The following MYO1C variants were observed in gnomAD, a reference collection of about 807,000 sequenced individuals.
MYO1C encodes myosin IC.
Under a neutral mutation model 150.8 loss-of-function variants are expected in MYO1C, and 104 were observed. The ratio of observed to expected loss-of-function variants is 0.69; its 90% confidence interval spans 0.59 to 0.81. The LOEUF (loss-of-function observed/expected upper bound fraction) is 0.81. Ranked by LOEUF, MYO1C falls within the 30% of genes least tolerant of loss-of-function variation. The probability of loss-of-function intolerance (pLI) is 0.00; values close to 1 mark genes in which losing one functional copy is unlikely to be tolerated. For synonymous variants in MYO1C, 663 were observed against 579.9 expected, an observed-to-expected ratio of 1.14 and a Z score of -2.06; for missense variants, 1,504 against 1,435.0, an observed-to-expected ratio of 1.05 and a Z score of -0.78.
At position 1,492,623 on chromosome 17, in the gene MYO1C, A is replaced by G; in HGVS notation, c.-136T>C. On this transcript the variant is annotated 5_prime_UTR_variant, in exon 1 of 32. Coordinates refer to ENST00000648651, the MANE Select transcript of MYO1C (RefSeq NM_001080779.2). ...GGGATGGCCACTTGGTTCTGCTTCA[A>G]CTGCAGCCCCAGGGGATGTGGCTGG... 1.3e-6 allele frequency: 1 copy of G among 794,872 alleles called. No homozygotes were observed. Among genetic ancestry groups the G allele is most frequent in the South Asian group, 1.5e-5 (1 of 67,004 alleles). 49.2% of individuals were successfully genotyped at this position (794,872 alleles called of 1,614,324 possible).
At position 1,467,796 on chromosome 17, in the gene MYO1C, C is replaced by A; in HGVS notation, c.2967+44G>T. 2 of 717,452 alleles carry A rather than the reference C, an allele frequency of 2.8e-6. 1 individual carries two copies. Among genetic ancestry groups the A allele is most frequent in the South Asian group, 3.1e-5 (2 of 65,442 alleles). The allele number at this position is 717,452 out of a possible 1,614,324, so 44.4% of individuals were successfully genotyped here. ...CCCATCCACCCCACCTCCCCATCTACCTCCCCCATCCCCCACCACTCCTCC... is the reference window on the plus strand; with the variant it reads ...CCCATCCACCCCACCTCCCCATCTAACTCCCCCATCCCCCACCACTCCTCC... On this transcript the variant is annotated intron_variant, in intron 29 of 31. Transcript: ENST00000648651.
chr17:1,484,463 G>C (rs1167982826), intron 1 of MYO1C, 160 bp from the exon 2 acceptor site: 1 of 828,520 alleles, frequency 1.2e-6, no homozygotes, highest in Non-Finnish European at 1.9e-6. Flanking sequence ...GGTGCTGAGG[G>C]CCTGGGTGTG....
In MYO1C at chr17:1,477,882, AG is replaced by A; in HGVS notation, c.1482+8del. ...CCAGCACCAGGCCTTGGAGGCGCAG[AG>A]GACTCACCAAAATCGAGATGATGCC... is the stretch of plus-strand genomic sequence containing the variant. On this transcript the variant is annotated splice_region_variant and intron_variant, in intron 13 of 31. Transcript: ENST00000648651. The A allele has an allele frequency of 6.2e-7, 1 of 1,612,554 alleles. No homozygotes were observed. The highest frequency in any genetic ancestry group is 8.5e-7 in the Non-Finnish European group (1 of 1,178,716).
At position 1,478,950 on chromosome 17, in the gene MYO1C, G is replaced by A. The variant is rs963427325; in HGVS notation, c.1093-215C>T. Among the ~76,000 whole-genome samples, 2 of 152,160 alleles carry A rather than the reference G, an allele frequency of 1.3e-5. No homozygotes were observed. Among genetic ancestry groups the A allele is most frequent in the African/African-American group, 4.8e-5 (2 of 41,446 alleles). On this transcript the variant is annotated intron_variant, in intron 9 of 31. Coordinates refer to ENST00000648651, the MANE Select transcript of MYO1C (RefSeq NM_001080779.2). The surrounding 1 kb of genome is among the most constrained non-coding windows in gnomAD (Gnocchi z 6.3). ...TAGAGGGACAGGAGGCCTCCTTCCC[G>A]AGGTGGGAGTCTGGTTCTAGCCGGA...
At chr17:1,473,775 C>T (rs1045142913) in intron 17 of MYO1C, among the ~76,000 whole-genome samples, 2 of 152,140 alleles carry the variant, frequency 1.3e-5, no homozygotes, top group Non-Finnish European at 2.9e-5. Flanking sequence ...TGGACTGGGC[C>T]CTCACTATAG....
chr17:1,472,071 T>C lies in MYO1C; in HGVS notation c.1904-47A>G, dbSNP rs766613294. ...GGTCAGCGGGCTGGCGCTGACGGCC[T>C]GTCTCCTGCAGGGGAGGCCCGGCCC... On this transcript the variant is annotated intron_variant, in intron 18 of 31. Coordinates refer to ENST00000648651, the MANE Select transcript of MYO1C (RefSeq NM_001080779.2). The C allele has an allele frequency of 2.3e-5, 37 of 1,608,252 alleles. 1 individual carries two copies. In the Middle Eastern group the frequency reaches 3.3e-3, roughly 143 times the overall value.
At chr17:1,487,997 C>G (rs2074685994) in intron 1 of MYO1C, among the ~76,000 whole-genome samples, 1 of 152,206 alleles carries the variant, frequency 6.6e-6, no homozygotes, top group Non-Finnish European at 1.5e-5. Context: ...GGGTGGGGAA[C>G]GTCCTAGAAG....
In MYO1C at chr17:1,478,723, G is replaced by A; in HGVS notation, c.1105C>T (p.Leu369=). 1.2e-6 allele frequency: 2 copies of A among 1,614,072 alleles called. No individual in the cohort carries two copies. The highest frequency in any genetic ancestry group is 2.2e-5 in the South Asian group (2 of 91,078). ...GCGTACGCGGCCTGCTCCAGGTTCA[G>A]CGGGCTCAGGAGCTGTGGACGCAGC... ...IAKGEELLSP[L]NLEQAAYARD... is the part of the protein sequence containing the mutation. Residue 369 remains leucine, a synonymous_variant, in exon 10 of 32, where the codon CTG becomes TTG. Transcript: ENST00000648651. This position sits in a 1 kb window ranked among gnomAD's most constrained non-coding sequence, Gnocchi z 6.3.
At chr17:1,468,690 G>C in intron 25 of MYO1C, 194 bp from the exon 26 acceptor site, 2 of 611,182 alleles carry the variant, frequency 3.3e-6, no homozygotes, top group Middle Eastern at 4.4e-4. Flanking sequence ...CCGCCACCAA[G>C]CACTCCCCAG....
At position 1,492,513 on chromosome 17, in the gene MYO1C, T is replaced by A; in HGVS notation, c.-26A>T. The A allele has an allele frequency of 1.3e-6, 2 of 1,579,160 alleles. No homozygotes were observed. The highest frequency in any genetic ancestry group is 1.7e-6 in the Non-Finnish European group (2 of 1,162,794). ...TCCGCCCTGCGGAGAGCCAGCGGCCTGGGCACCGCGGCCTGTGAGCAAGAG... is the reference window on the plus strand; with the variant it reads ...TCCGCCCTGCGGAGAGCCAGCGGCCAGGGCACCGCGGCCTGTGAGCAAGAG... On this transcript the variant is annotated 5_prime_UTR_variant, in exon 1 of 32. Transcript: ENST00000648651.
Position 1,467,227 on chromosome 17 carries a change from G to T in MYO1C, c.3165+15C>A. On this transcript the variant is annotated intron_variant, in intron 31 of 31. Coordinates refer to ENST00000648651, the MANE Select transcript of MYO1C (RefSeq NM_001080779.2). ...TCACAGCCAGGCCATAAGCGGGAAAGCAGGCCCCACTCACCACAGCCAGGT... is the reference window on the plus strand; with the variant it reads ...TCACAGCCAGGCCATAAGCGGGAAATCAGGCCCCACTCACCACAGCCAGGT... 2 of 1,603,984 alleles carry T rather than the reference G, an allele frequency of 1.2e-6. No individual in the cohort carries two copies. Among genetic ancestry groups the T allele is most frequent in the Non-Finnish European group, 1.7e-6 (2 of 1,174,600 alleles).
chr17:1,487,089 T>TA (rs1182793156), intron 1 of MYO1C: 1 of 152,390 alleles, frequency 6.6e-6, no homozygotes. Context: ...AACATGAGGC[T>TA]AACACAGGCC....
At chr17:1,472,622 A>G (rs906717005) in intron 17 of MYO1C, among the ~76,000 whole-genome samples, 8 of 152,188 alleles carry the variant, frequency 5.3e-5, no homozygotes, top group African/African-American at 1.9e-4. Context: ...GAAGGATCTC[A>G]GGCCTGGCGG....
rs1567525931 is a variant in MYO1C, at chr17:1,478,249, G to A, written c.1296-57C>T. On this transcript the variant is annotated intron_variant, in intron 11 of 31. Transcript: ENST00000648651. This position sits in a 1 kb window ranked among gnomAD's most constrained non-coding sequence, Gnocchi z 6.3. The stretch of plus-strand genomic sequence containing the variant: ...CAGTGGGGACACAGGACCAGGAGAG[G>A]GGAAAAGCTGGACGACGCCCCTGAG... The A allele has an allele frequency of 1.0e-5, 16 of 1,580,360 alleles. No homozygotes were observed. Among genetic ancestry groups the A allele is most frequent in the Non-Finnish European group, 1.3e-5 (15 of 1,150,928 alleles).
At chr17:1,469,436 C>T (rs565598567) in intron 25 of MYO1C, 95 bp downstream of exon 25, 1 of 1,178,166 alleles carries the variant, frequency 8.5e-7, no homozygotes, top group Admixed American at 2.0e-5. Context: ...TACGGTAGAC[C>T]GGGGTAAATG....
rs746908072 is a variant in MYO1C, at chr17:1,484,251, C to A, written c.128G>T (p.Arg43Leu). The A allele has an allele frequency of 6.2e-7, 1 of 1,612,582 alleles. No homozygotes were observed. Among genetic ancestry groups the A allele is most frequent in the Non-Finnish European group, 8.5e-7 (1 of 1,180,010 alleles). ...RVTMESALTA[R>L]DRVGVQDFVL... is the part of the protein sequence containing the mutation. ...GAAATCCTGCACCCCCACCCGGTCA[C>A]GGGCGGTGAGCGCACTCTCCATGGT... Residue 43 changes from arginine to leucine, a missense_variant, in exon 2 of 32, where the codon CGT (arginine) becomes CTT (leucine). Coordinates refer to ENST00000648651, the MANE Select transcript of MYO1C (RefSeq NM_001080779.2).
At chr17:1,471,382 C>G in intron 19 of MYO1C, 46 bp from the exon 20 acceptor site, 1 of 1,527,942 alleles carries the variant, frequency 6.5e-7, no homozygotes, top group Non-Finnish European at 9.0e-7. Flanking sequence ...CAGCAGCCTG[C>G]CCTGGGGACC....
intron 1 of MYO1C, among the ~76,000 whole-genome samples, chr17:1,486,435 C>T (rs1306179029): frequency 6.6e-6 from 1 of 152,124 alleles, no homozygotes; most frequent in African/African-American, 2.4e-5. Context: ...CCCCCGCCCA[C>T]GGCATTTGGG....
intron 1 of MYO1C, chr17:1,484,872 T>TTCCCCCCCCCCCCC: frequency 2.9e-6 from 1 of 341,200 alleles, no homozygotes; most frequent in South Asian, 2.2e-5. Flanking sequence ...GGGCCGTCTC[T>TTCCCCCCCCCCCCC]CCCACCCAGA....
Sources: gnomAD v4.1 joint callset for allele counts (sites outside exome capture counted in the v4.1 genomes callset) on GRCh38, gnomAD v4.1.1 for gene constraint, Gnocchi (gnomAD v3.1) non-coding constraint, MANE v1.5 for transcripts, NCBI Gene and HGNC (gene_info 2026-07-23, HGNC 2026-07-21) for gene names.